CSPP1: variants seen among roughly 807,000 people sequenced by gnomAD.
CSPP1 encodes centrosome and spindle pole associated protein 1, also known as centrosome and spindle pole-associated protein 1.
A neutral mutation model predicts 164.4 loss-of-function variants in CSPP1; 126 were observed. The ratio of observed to expected loss-of-function variants is 0.77; its 90% CI spans 0.66 to 0.89. The LOEUF (loss-of-function observed/expected upper bound fraction) is 0.89, where lower values mean the gene tolerates loss of function less well. CSPP1 is among the 40% of genes least tolerant of loss of function. The pLI is 0.00. For missense variants in CSPP1, 1,395 were observed against 1,449.8 expected, an observed-to-expected ratio of 0.96 and a Z score of 0.61; for synonymous variants, 472 against 476.7, an observed-to-expected ratio of 0.99 and a Z score of 0.13.
chr8:67,158,003 C>T (rs1042062932), intron 19 of CSPP1: 4 of 152,326 alleles, frequency 2.6e-5, no homozygotes, highest in Admixed American at 6.5e-5. Flanking sequence ...ACTAATTTCA[C>T]TGTTATTTTA....
At chr8:67,105,765 C>T (rs1815372769) in intron 8 of CSPP1, 140 bp from the exon 9 acceptor site, 3 of 603,874 alleles carry the variant, frequency 5.0e-6, no homozygotes, top group African/African-American at 3.7e-5. Flanking sequence ...TTACCTTAAC[C>T]TTAAAAATTT....
intron 15 of CSPP1, among the ~76,000 whole-genome samples, chr8:67,129,093 G>T (rs748278756): frequency 5.9e-5 from 9 of 152,006 alleles, no homozygotes; most frequent in African/African-American, 9.7e-5. Context: ...GAATAAAGAA[G>T]AAAGCTATAT....
chr8:67,191,995 T>G (rs1836385215), intron 29 of CSPP1, among the ~76,000 whole-genome samples: 1 of 152,134 alleles, frequency 6.6e-6, no homozygotes, highest in African/African-American at 2.4e-5. Context: ...ATATTGAACA[T>G]CTTTTCATGG....
At chr8:67,100,106 T>A (rs1458662187) in intron 7 of CSPP1, among the ~76,000 whole-genome samples, 1 of 152,184 alleles carries the variant, frequency 6.6e-6, no homozygotes, top group South Asian at 2.1e-4. Flanking sequence ...CTTGATCTTA[T>A]AATTATTGGT....
intron 13 of CSPP1, among the ~76,000 whole-genome samples, chr8:67,117,530 G>A (rs1050469216): frequency 2.6e-5 from 4 of 152,202 alleles, no homozygotes; most frequent in African/African-American, 9.6e-5. Flanking sequence ...AAGTGCTAAT[G>A]TAGAGGTTTT....
chr8:67,138,444 C>T (rs1440922178), intron 17 of CSPP1, among the ~76,000 whole-genome samples: 1 of 152,116 alleles, frequency 6.6e-6, no homozygotes, highest in African/African-American at 2.4e-5. Flanking sequence ...GAAAAAAAGA[C>T]TTTTCACATG....
chr8:67,089,546 C>T (rs976785786), intron 4 of CSPP1, among the ~76,000 whole-genome samples: 3 of 152,172 alleles, frequency 2.0e-5, no homozygotes, highest in African/African-American at 7.2e-5. Flanking sequence ...CTTTTTGTCA[C>T]AGTAATTATT....
At chr8:67,123,582 C>A (rs1208901332) in intron 15 of CSPP1, among the ~76,000 whole-genome samples, 1 of 150,156 alleles carries the variant, frequency 6.7e-6, no homozygotes, top group Non-Finnish European at 1.5e-5. Context: ...TCCTCTAATC[C>A]TCCTTTATTA....
At chr8:67,163,104 G>A (rs999869764) in intron 22 of CSPP1, among the ~76,000 whole-genome samples, 4 of 152,170 alleles carry the variant, frequency 2.6e-5, no homozygotes, top group Non-Finnish European at 5.9e-5. Flanking sequence ...CGGCAGTTGC[G>A]ACTGGCCAAG....
rs192982177 is a variant in CSPP1, at chr8:67,160,277, C to T, written c.2538+1140C>T. ...GCCAGGAGATCGAGACCAGCCTGGGCAACATGGTGAAACCCCGTCTCTATA... is the reference window on the plus strand; with the variant it reads ...GCCAGGAGATCGAGACCAGCCTGGGTAACATGGTGAAACCCCGTCTCTATA... On this transcript the variant is annotated intron_variant, in intron 21 of 30. Coordinates refer to ENST00000678616, the MANE Select transcript of CSPP1 (RefSeq NM_001382391.1). Among the ~76,000 whole-genome samples the T allele has an allele frequency of 6.4e-3, 972 of 151,372 alleles. 7 individuals are homozygous for T. The highest frequency in any genetic ancestry group is 0.023 in the African/African-American group (932 of 41,268).
intron 27 of CSPP1, 23 bp downstream of exon 27, chr8:67,177,749 T>G: frequency 6.3e-7 from 1 of 1,585,022 alleles, no homozygotes; most frequent in Non-Finnish European, 8.7e-7. Context: ...TTACAATTTT[T>G]CAAGTTAGTT....
rs189771446 is a variant in CSPP1, at chr8:67,191,700, G to A, written c.3330+941G>A. Among the ~76,000 whole-genome samples, 39 of 152,224 alleles carry A rather than the reference G, an allele frequency of 2.6e-4. No individual in the cohort carries two copies. The East Asian group carries it at 7.1e-3, about 28-fold the overall frequency. On this transcript the variant is annotated intron_variant, in intron 29 of 30. Coordinates refer to ENST00000678616, the MANE Select transcript of CSPP1 (RefSeq NM_001382391.1). ...ATATTTGGGTTGTTTTCACTTTTTAGCTAGTATGGATACTATTAATGTTCA... is the reference window on the plus strand; with the variant it reads ...ATATTTGGGTTGTTTTCACTTTTTAACTAGTATGGATACTATTAATGTTCA...
chr8:67,153,879 T>A, intron 18 of CSPP1, 145 bp from the exon 19 acceptor site: 1 of 529,494 alleles, frequency 1.9e-6, no homozygotes, highest in East Asian at 3.2e-5. Flanking sequence ...CTTCAGATTC[T>A]AATCTCAACC....
At chr8:67,123,478 A>G (rs1468647417) in intron 15 of CSPP1, among the ~76,000 whole-genome samples, 1 of 152,164 alleles carries the variant, frequency 6.6e-6, no homozygotes, top group Non-Finnish European at 1.5e-5. Context: ...CTTTGAATCT[A>G]AAAGATGTCT....
At position 67,115,950 on chromosome 8, in the gene CSPP1, C is replaced by G; in HGVS notation, c.1324C>G (p.His442Asp). ...AAAGCAGTTTAGTGTGGCACCAAGA[C>G]ACTTTGAAGAGATGATACCACCTGA... is the stretch of plus-strand genomic sequence containing the variant. The part of the protein sequence containing the change: ...RLKQFSVAPR[H>D]FEEMIPPERP... The change falls in exon 13 of 31, where the codon CAC (histidine) becomes GAC (aspartate). Residue 442 changes from histidine (H) to aspartate (D), a missense_variant. By Grantham distance (81) the His-to-Asp change is moderately conservative. Coordinates refer to ENST00000678616, the MANE Select transcript of CSPP1 (RefSeq NM_001382391.1). The G allele has an allele frequency of 9.3e-6, 15 of 1,613,876 alleles. No homozygotes were observed. Among genetic ancestry groups the G allele is most frequent in the Non-Finnish European group, 1.3e-5 (15 of 1,179,924 alleles).
At chr8:67,135,894 C>G (rs1173184028) in intron 16 of CSPP1, 1 of 152,160 alleles carries the variant, frequency 6.6e-6, no homozygotes, top group East Asian at 1.9e-4. Context: ...TTCATTCACT[C>G]AAACACTTAC....
At chr8:67,071,940 C>T (rs1425849294) in intron 1 of CSPP1, among the ~76,000 whole-genome samples, 2 of 152,138 alleles carry the variant, frequency 1.3e-5, no homozygotes, top group Non-Finnish European at 2.9e-5. Flanking sequence ...AAACTAAAAA[C>T]TTCTAAAAGG....
intron 1 of CSPP1, among the ~76,000 whole-genome samples, chr8:67,067,437 A>C (rs1351664494): frequency 6.6e-6 from 1 of 152,150 alleles, no homozygotes; most frequent in Non-Finnish European, 1.5e-5. Flanking sequence ...TTACGTTTGC[A>C]GGCTCTGTTT....
intron 4 of CSPP1, 172 bp downstream of exon 4, chr8:67,086,282 T>C: frequency 1.4e-6 from 1 of 694,646 alleles, no homozygotes. Flanking sequence ...GAAAAAAATA[T>C]TGCTGAGAAC....
Sources: gnomAD v4.1 joint callset for allele counts (sites outside exome capture counted in the v4.1 genomes callset) on GRCh38, gnomAD v4.1.1 for gene constraint, MANE v1.5 for transcripts, NCBI Gene and HGNC (gene_info 2026-07-23, HGNC 2026-07-21) for gene names.